Variants in UBR3 observed in about 807,000 individuals in gnomAD.
The protein encoded by UBR3 is ubiquitin protein ligase E3 component n-recognin 3.
In UBR3, 85 loss-of-function variants were observed where a neutral mutation model predicts 243.2. That is an observed-to-expected ratio of 0.35 (90% CI 0.29 to 0.42). The LOEUF (loss-of-function observed/expected upper bound fraction) is 0.42. Among genes scored for constraint, UBR3 ranks in the 10% least tolerant of loss-of-function variants. The pLI is 1.00. For missense variants in UBR3, 1,686 were observed against 2,300.8 expected, an observed-to-expected ratio of 0.73 and a Z score of 5.47; for synonymous variants, 748 against 799.8, an observed-to-expected ratio of 0.94 and a Z score of 1.09.
At chr2:170,026,910 A>G (rs900110247) in intron 30 of UBR3, among the ~76,000 whole-genome samples, 32 of 152,042 alleles carry the variant, frequency 2.1e-4, no homozygotes, top group Admixed American at 2.1e-3. Context: ...TTTGCTGCTA[A>G]ATGAATATTA....
Position 170,083,010 on chromosome 2 carries a change from A to G in UBR3, c.*1167A>G, listed in dbSNP as rs2091930429. The stretch of plus-strand genomic sequence containing the variant: ...TCTATGAGAAGGAAGATTACTGAAA[A>G]GCATGTGACATATTGCTACAAAGAT... On this transcript the variant is annotated 3_prime_UTR_variant, in exon 39 of 39. Coordinates refer to ENST00000272793, the MANE Select transcript of UBR3 (RefSeq NM_172070.4). 6.6e-6 allele frequency: 1 copy of G among 152,626 alleles called. No homozygotes were observed. The highest frequency in any genetic ancestry group is 1.5e-5 in the Non-Finnish European group (1 of 68,010). 9.5% of individuals were successfully genotyped at this position (152,626 alleles called of 1,614,324 possible). A position where few individuals can be genotyped will look rare whatever the true frequency, so the allele number is the denominator to read the frequency against.
At chr2:170,071,401 A>G (rs2091695154) in intron 35 of UBR3, among the ~76,000 whole-genome samples, 1 of 152,198 alleles carries the variant, frequency 6.6e-6, no homozygotes, top group Non-Finnish European at 1.5e-5. Flanking sequence ...ATAAGATTAC[A>G]TCCTGTATGA....
Position 169,955,459 on chromosome 2 carries a change from A to G in UBR3, c.3546-2979A>G, listed in dbSNP as rs138146901. ...TTCCGGGTCCTTTTGATCTATTCCC[A>G]TCATTCTTTGAGCATATTCCTATTT... On this transcript the variant is annotated intron_variant, in intron 23 of 38. Transcript: ENST00000272793. Among the ~76,000 whole-genome samples, 136 of 151,958 alleles carry G rather than the reference A, an allele frequency of 8.9e-4. 2 individuals carry two copies. The highest frequency in any genetic ancestry group is 7.2e-3 in the East Asian group (37 of 5,144).
In UBR3 at chr2:169,928,883, A is replaced by G; in HGVS notation, c.2566+15A>G. 7.3e-7 allele frequency: 1 copy of G among 1,373,150 alleles called. No individual in the cohort carries two copies. Among genetic ancestry groups the G allele is most frequent in the African/African-American group, 1.4e-5 (1 of 69,340 alleles). The allele number at this position is 1,373,150 out of a possible 1,614,324, so 85.1% of individuals were successfully genotyped here. On this transcript the variant is annotated intron_variant, in intron 18 of 38. Coordinates refer to ENST00000272793, the MANE Select transcript of UBR3 (RefSeq NM_172070.4). ...TACTCCCAAAGGTATGTTTATATAC[A>G]TAAATGGACTCTTTCAAATATCAGT...
intron 36 of UBR3, chr2:170,078,268 T>C (rs968871529): frequency 2.5e-6 from 1 of 403,152 alleles, no homozygotes; most frequent in Non-Finnish European, 4.7e-6. Flanking sequence ...ATTTACAGTG[T>C]AATTCAATAT....
At chr2:169,994,198 C>A in intron 25 of UBR3, 125 bp from the exon 26 acceptor site, 1 of 1,145,636 alleles carries the variant, frequency 8.7e-7, no homozygotes. Context: ...TTTGAGGGGT[C>A]TTTAAAAATA....
At chr2:169,997,858 G>T (rs1449255926) in intron 26 of UBR3, among the ~76,000 whole-genome samples, 1 of 152,134 alleles carries the variant, frequency 6.6e-6, no homozygotes, top group Non-Finnish European at 1.5e-5. Flanking sequence ...AATGATCCAT[G>T]TGTGGACCTG....
intron 31 of UBR3, among the ~76,000 whole-genome samples, chr2:170,037,150 AG>A (rs1470332799): frequency 6.6e-6 from 1 of 152,172 alleles, no homozygotes; most frequent in Non-Finnish European, 1.5e-5. Context: ...TTAAATACTA[AG>A]GGTTCCTACA....
rs933096435 is a variant in UBR3 at position 169,952,071 on chromosome 2, C to T, written c.3545+2006C>T. Among the ~76,000 whole-genome samples the T allele has an allele frequency of 5.3e-5, 8 of 152,152 alleles. No homozygotes were observed. The South Asian group carries it at 6.2e-4, about 12-fold the overall frequency. ...AAAACTTAAGGGAGAATTCTTAGAGCTACAGATTTGAGCAGCTAGGTAGTA... is the reference window on the plus strand; with the variant it reads ...AAAACTTAAGGGAGAATTCTTAGAGTTACAGATTTGAGCAGCTAGGTAGTA... On this transcript the variant is annotated intron_variant, in intron 23 of 38. Transcript: ENST00000272793.
intron 25 of UBR3, among the ~76,000 whole-genome samples, chr2:169,987,414 A>C (rs1053233702): frequency 4.0e-4 from 60 of 150,976 alleles, no homozygotes; most frequent in East Asian, 7.7e-4. Flanking sequence ...AAAAACAAAA[A>C]AAAAACAAAA....
rs1171979111 is a variant in UBR3, at chr2:170,083,825, G to T, written c.*1982G>T. 2 of 152,550 alleles carry T rather than the reference G, an allele frequency of 1.3e-5. No homozygotes were observed. The highest frequency in any genetic ancestry group is 2.9e-5 in the Non-Finnish European group (2 of 67,992). The allele number at this position is 152,550 out of a possible 1,614,324, so 9.4% of individuals were successfully genotyped here. The stretch of plus-strand genomic sequence containing the variant: ...TTAAAAAAGCACTTGGTTGAAAATT[G>T]TACTTGAATACATACATGCATGCTG... On this transcript the variant is annotated 3_prime_UTR_variant, in exon 39 of 39. Transcript: ENST00000272793.
At chr2:169,954,153 A>C (rs1347412297) in intron 23 of UBR3, among the ~76,000 whole-genome samples, 1 of 138,950 alleles carries the variant, frequency 7.2e-6, no homozygotes, top group Non-Finnish European at 1.5e-5. Context: ...TAGTTGTCCC[A>C]ATAATGTTTG....
At chr2:169,867,770 C>G (rs1212674617) in intron 1 of UBR3, among the ~76,000 whole-genome samples, 1 of 152,182 alleles carries the variant, frequency 6.6e-6, no homozygotes, top group Non-Finnish European at 1.5e-5. Context: ...GTTGAACCTT[C>G]CAGTGCCAAT....
chr2:169,833,597 C>T (rs2082002264), intron 1 of UBR3, among the ~76,000 whole-genome samples: 1 of 152,084 alleles, frequency 6.6e-6, no homozygotes, highest in Non-Finnish European at 1.5e-5. Context: ...CAGCTTTTTT[C>T]AGAGTGCTTT....
chr2:170,030,174 C>T (rs973075848), intron 31 of UBR3, among the ~76,000 whole-genome samples: 9 of 152,124 alleles, frequency 5.9e-5, no homozygotes, highest in East Asian at 3.9e-4. Flanking sequence ...GAGAATCTTT[C>T]CAAACTGACT....
At chr2:170,024,320 C>T (rs986153022) in intron 30 of UBR3, among the ~76,000 whole-genome samples, 2 of 139,184 alleles carry the variant, frequency 1.4e-5, no homozygotes. Context: ...CGCCATTGTC[C>T]TCCATCTTGG....
At position 169,914,155 on chromosome 2, in the gene UBR3, A is replaced by ATTTTTGATGTATGTAAAT. The variant is rs772757639; in HGVS notation, c.1866+27_1866+44dup. 4.8e-6 allele frequency: 7 copies of ATTTTTGATGTATGTAAAT among 1,459,676 alleles called. No homozygotes were observed. Among genetic ancestry groups the ATTTTTGATGTATGTAAAT allele is most frequent in the Non-Finnish European group, 1.8e-6 (2 of 1,097,528 alleles). 90.4% of individuals were successfully genotyped at this position (1,459,676 alleles called of 1,614,324 possible). On this transcript the variant is annotated intron_variant, in intron 11 of 38. Coordinates refer to ENST00000272793, the MANE Select transcript of UBR3 (RefSeq NM_172070.4). ...TTAACTTCGTAGACGAGGTATGTAT[A>ATTTTTGATGTATGTAAAT]TTTTTGATGTATGTAAATTTTTTGA...
intron 1 of UBR3, among the ~76,000 whole-genome samples, chr2:169,839,243 T>C (rs1292607681): frequency 2.0e-5 from 3 of 152,218 alleles, no homozygotes; most frequent in Non-Finnish European, 2.9e-5. Context: ...TGGAGGTCAT[T>C]ATGTTAAGTG....
intron 1 of UBR3, among the ~76,000 whole-genome samples, chr2:169,862,470 C>T (rs1415522183): frequency 6.6e-6 from 1 of 152,144 alleles, no homozygotes; most frequent in African/African-American, 2.4e-5. Context: ...TTGTATTCAT[C>T]ATCATTGTCT....
Sources: gnomAD v4.1 joint callset for allele counts (sites outside exome capture counted in the v4.1 genomes callset) on GRCh38, gnomAD v4.1.1 for gene constraint, MANE v1.5 for transcripts, NCBI Gene and HGNC (gene_info 2026-07-23, HGNC 2026-07-21) for gene names.